Variants in ZCCHC7 observed in about 807,000 individuals in gnomAD.
ZCCHC7 encodes the protein zinc finger CCHC domain-containing protein 7.
A neutral mutation model predicts 52.0 loss-of-function variants in ZCCHC7; 35 were observed. The observed-to-expected ratio is 0.67, with a 90% CI of 0.51 to 0.89. The LOEUF (loss-of-function observed/expected upper bound fraction) is 0.89, where lower values mean the gene tolerates loss of function less well. Among genes scored for constraint, ZCCHC7 ranks in the 40% least tolerant of loss-of-function variants. ZCCHC7 has a pLI of 0.00. For synonymous variants in ZCCHC7, 217 were observed against 221.5 expected, an observed-to-expected ratio of 0.98 and a Z score of 0.18; for missense variants, 574 against 649.1, an observed-to-expected ratio of 0.88 and a Z score of 1.26.
Position 37,306,762 on chromosome 9 carries a change from C to CTTTTTTTTTTTTTT in ZCCHC7, c.951+1077_951+1090dup, listed in dbSNP as rs869292704. Among the ~76,000 whole-genome samples the CTTTTTTTTTTTTTT allele has an allele frequency of 9.6e-5, 5 of 52,032 alleles. 1 individual carries two copies. The highest frequency in any genetic ancestry group is 1.4e-4 in the African/African-American group (2 of 14,008). The allele number at this position is 52,032 out of a possible 152,430, so 34.1% of individuals were successfully genotyped here. On this transcript the variant is annotated intron_variant, in intron 5 of 8. Coordinates refer to ENST00000336755, the MANE Select transcript of ZCCHC7 (RefSeq NM_032226.3). ...ACAGGCATGAGCCACTGTACCCGAC[C>CTTTTTTTTTTTTTT]TTTTTTTTTTTTTTTTTTTTTTTTT...
chr9:37,306,862 A>ACTG (rs1564243417), intron 5 of ZCCHC7, among the ~76,000 whole-genome samples: 1 of 126,974 alleles, frequency 7.9e-6, no homozygotes, highest in Non-Finnish European at 1.6e-5. Context: ...ATCTTGGCTC[A>ACTG]CTGCAACCTC....
intron 2 of ZCCHC7, among the ~76,000 whole-genome samples, chr9:37,273,523 GGGT>G (rs1179919635): frequency 6.6e-6 from 1 of 152,044 alleles, no homozygotes; most frequent in Non-Finnish European, 1.5e-5. Context: ...GAAAAAGAAA[GGGT>G]GTCCTGACAC....
At chr9:37,199,041 A>G (rs1823445339) in intron 2 of ZCCHC7, among the ~76,000 whole-genome samples, 2 of 151,884 alleles carry the variant, frequency 1.3e-5, no homozygotes, top group Non-Finnish European at 2.9e-5. Context: ...ATTGCTTCCT[A>G]TTTTTGACAC....
chr9:37,205,668 G>A (rs965758348), intron 2 of ZCCHC7, among the ~76,000 whole-genome samples: 1 of 151,622 alleles, frequency 6.6e-6, no homozygotes, highest in Admixed American at 6.6e-5. Flanking sequence ...AGGCACATGC[G>A]ACCACACCTG....
chr9:37,230,161 A>G (rs1825328197), intron 2 of ZCCHC7, among the ~76,000 whole-genome samples: 1 of 152,214 alleles, frequency 6.6e-6, no homozygotes, highest in South Asian at 2.1e-4. Context: ...TTTAAAAAGT[A>G]AGTAGAAGGA....
intron 2 of ZCCHC7, among the ~76,000 whole-genome samples, chr9:37,264,545 G>C (rs1487906038): frequency 6.6e-6 from 1 of 152,124 alleles, no homozygotes; most frequent in Non-Finnish European, 1.5e-5. Context: ...CACCACAGCA[G>C]AATTTAAATA....
intron 6 of ZCCHC7, among the ~76,000 whole-genome samples, chr9:37,338,608 G>C (rs1186590733): frequency 6.6e-6 from 1 of 152,114 alleles, no homozygotes; most frequent in Non-Finnish European, 1.5e-5. Flanking sequence ...ACGTTATTCT[G>C]CAGTTCAAAT....
At chr9:37,203,031 T>G (rs887602592) in intron 2 of ZCCHC7, among the ~76,000 whole-genome samples, 1 of 152,240 alleles carries the variant, frequency 6.6e-6, no homozygotes, top group Non-Finnish European at 1.5e-5. Context: ...TAGCCCTTGC[T>G]TTTGTTAAAC....
chr9:37,177,084 G>A (rs913629063), intron 2 of ZCCHC7, among the ~76,000 whole-genome samples: 1 of 152,224 alleles, frequency 6.6e-6, no homozygotes, highest in African/African-American at 2.4e-5. Context: ...GCTTACGCCT[G>A]TAATCCCAGC....
At chr9:37,120,544 T>C (rs1410851079), upstream of ZCCHC7, 12 of 399,224 alleles carry the variant, frequency 3.0e-5, no homozygotes, top group Admixed American at 4.4e-5. Flanking sequence ...GCGGCCTCCT[T>C]ACCTCATTTG....
At chr9:37,185,297 G>A (rs1822592436) in intron 2 of ZCCHC7, among the ~76,000 whole-genome samples, 1 of 151,902 alleles carries the variant, frequency 6.6e-6, no homozygotes, top group African/African-American at 2.4e-5. Context: ...CCATCATTTG[G>A]ACACTCATTT....
intron 2 of ZCCHC7, among the ~76,000 whole-genome samples, chr9:37,139,475 T>A (rs1843131106): frequency 6.6e-6 from 1 of 152,014 alleles, no homozygotes; most frequent in Non-Finnish European, 1.5e-5. Flanking sequence ...TTATTTCTGT[T>A]GTGTAGATTT....
At chr9:37,122,126 G>A (rs1842343421) in intron 1 of ZCCHC7, among the ~76,000 whole-genome samples, 1 of 152,208 alleles carries the variant, frequency 6.6e-6, no homozygotes, top group Non-Finnish European at 1.5e-5. Flanking sequence ...CATCTAGGGA[G>A]GCTAAAGATA....
intron 2 of ZCCHC7, among the ~76,000 whole-genome samples, chr9:37,195,717 A>C (rs1240556470): frequency 6.6e-6 from 1 of 152,226 alleles, no homozygotes; most frequent in African/African-American, 2.4e-5. Context: ...GTGAAGACTT[A>C]ATGTAGTAGT....
intron 2 of ZCCHC7, among the ~76,000 whole-genome samples, chr9:37,200,507 T>C (rs1823577754): frequency 6.6e-6 from 1 of 152,226 alleles, no homozygotes; most frequent in African/African-American, 2.4e-5. Flanking sequence ...GCTTTCTTTT[T>C]CCATTTTTCT....
Position 37,343,910 on chromosome 9 carries a change from G to A in ZCCHC7, c.988-5447G>A, listed in dbSNP as rs113501727. Reference sequence around the variant, plus strand: ...CCATAGAAAATTTGTAAACTAATATGTGTGCCTGTGTTCCAATAAAACTTT... The same window carrying A: ...CCATAGAAAATTTGTAAACTAATATATGTGCCTGTGTTCCAATAAAACTTT... On this transcript the variant is annotated intron_variant, in intron 6 of 8. Transcript: ENST00000336755. 8.5e-4 allele frequency among the ~76,000 whole-genome samples: 129 copies of A among 152,294 alleles called. 2 individuals are homozygous for A. The highest frequency in any genetic ancestry group is 3.0e-3 in the African/African-American group (123 of 41,564).
At chr9:37,220,819 G>A (rs975451717) in intron 2 of ZCCHC7, among the ~76,000 whole-genome samples, 10 of 152,138 alleles carry the variant, frequency 6.6e-5, no homozygotes, top group Non-Finnish European at 1.0e-4. Context: ...AATGAGGAGA[G>A]AAGTCTGATT....
At chr9:37,156,557 G>A (rs934809291) in intron 2 of ZCCHC7, among the ~76,000 whole-genome samples, 5 of 152,154 alleles carry the variant, frequency 3.3e-5, no homozygotes, top group Admixed American at 6.5e-5. Flanking sequence ...AGCCCAAATG[G>A]CTATAAAAGA....
At chr9:37,202,972 C>T (rs56083943) in intron 2 of ZCCHC7, among the ~76,000 whole-genome samples, 21,139 of 152,202 alleles carry the variant, frequency 0.14, 1,755 homozygotes, top group Non-Finnish European at 0.17. Context: ...AAGTTATTGA[C>T]AACTATTTCA....
Sources: allele counts gnomAD v4.1 joint callset (sites outside exome capture counted in the v4.1 genomes callset), GRCh38; gene constraint gnomAD v4.1.1; transcripts MANE v1.5; gene names NCBI Gene and HGNC (gene_info 2026-07-23, HGNC 2026-07-21).